The following GRM8 variants were observed in gnomAD, a reference collection of about 807,000 sequenced individuals.
The protein encoded by GRM8 is metabotropic glutamate receptor 8.
A neutral mutation model predicts 87.2 loss-of-function variants in GRM8; 47 were observed. That is an observed-to-expected ratio of 0.54 (90% CI 0.43 to 0.69). GRM8 has a LOEUF of 0.69. GRM8 is among the 30% of genes least tolerant of loss of function. The pLI is 0.00. For synonymous variants in GRM8, 396 were observed against 404.5 expected (o/e 0.98, Z 0.25); for missense variants, 1,019 against 1,139.2 (o/e 0.89, Z 1.52).
rs141350978 is a variant in GRM8 at position 126,802,950 on chromosome 7, A to C, written c.1157-32885T>G. Among the ~76,000 whole-genome samples, 23 of 152,332 alleles carry C rather than the reference A, an allele frequency of 1.5e-4. No individual in the cohort carries two copies. The East Asian group carries it at 4.0e-3, about 27-fold the overall frequency. Reference sequence around the variant, plus strand: ...AATAAGCTAATAGACTGTGGGCCACAAACCTGGTGAACAGGCATAAATGTA... The same window carrying C: ...AATAAGCTAATAGACTGTGGGCCACCAACCTGGTGAACAGGCATAAATGTA... On this transcript the variant is annotated intron_variant, in intron 6 of 10. Transcript: ENST00000339582.
At chr7:126,957,621 C>T (rs945140920) in intron 3 of GRM8, among the ~76,000 whole-genome samples, 6 of 152,200 alleles carry the variant, frequency 3.9e-5, no homozygotes, top group East Asian at 1.9e-4. Flanking sequence ...GCTGGGTATG[C>T]GTGCACTGAA....
intron 8 of GRM8, among the ~76,000 whole-genome samples, chr7:126,579,841 A>C (rs1038877920): frequency 6.6e-6 from 1 of 152,156 alleles, no homozygotes; most frequent in Non-Finnish European, 1.5e-5. Flanking sequence ...TCTGTTAATC[A>C]ATGTTATAGA....
intron 6 of GRM8, among the ~76,000 whole-genome samples, chr7:126,788,409 C>CAAAAAAAAAAAAAAAAAAAAAAAAAAAA (rs67131936): frequency 2.5e-3 from 27 of 10,782 alleles, no homozygotes; most frequent in East Asian, 8.7e-3. Flanking sequence ...GACTCCATCT[C>CAAAAAAAAAAAAAAAAAAAAAAAAAAAA]AAAAAAAAAA....
chr7:126,730,420 A>G (rs1304980416), intron 7 of GRM8, among the ~76,000 whole-genome samples: 1 of 152,204 alleles, frequency 6.6e-6, no homozygotes, highest in Non-Finnish European at 1.5e-5. Context: ...CACAGTGAAT[A>G]CACCAGCTGG....
At chr7:127,022,984 G>A (rs1159945023) in intron 3 of GRM8, among the ~76,000 whole-genome samples, 3 of 152,004 alleles carry the variant, frequency 2.0e-5, no homozygotes, top group Non-Finnish European at 4.4e-5. Flanking sequence ...ATTAGAGTAG[G>A]TGACTTTCTA....
chr7:126,567,601 A>G (rs1265165393), intron 8 of GRM8, among the ~76,000 whole-genome samples: 4 of 152,198 alleles, frequency 2.6e-5, no homozygotes, highest in Non-Finnish European at 4.4e-5. Context: ...GTTTTTAATT[A>G]TAATACAACA....
chr7:126,625,077 T>C (rs1313378055), intron 7 of GRM8, among the ~76,000 whole-genome samples: 1 of 152,234 alleles, frequency 6.6e-6, no homozygotes, highest in Non-Finnish European at 1.5e-5. Flanking sequence ...TCTCAATGAA[T>C]AGTTATTAAA....
chr7:126,471,361 T>C (rs1396205671), intron 9 of GRM8, among the ~76,000 whole-genome samples: 3 of 152,140 alleles, frequency 2.0e-5, no homozygotes, highest in African/African-American at 7.2e-5. Flanking sequence ...TTGAATTAAT[T>C]TGTGTATAAG....
At chr7:127,241,437 CTTT>C (rs11291980) in intron 2 of GRM8, among the ~76,000 whole-genome samples, 3 of 132,944 alleles carry the variant, frequency 2.3e-5, no homozygotes, top group Admixed American at 1.5e-4. Flanking sequence ...TTTTTTTTTT[CTTT>C]TTTTTTTTTT....
chr7:127,087,172 GA>G (rs1823596541), intron 3 of GRM8, among the ~76,000 whole-genome samples: 1 of 152,194 alleles, frequency 6.6e-6, no homozygotes, highest in Admixed American at 6.5e-5. Context: ...CAGCAGAGAA[GA>G]AACCAGCCTC....
intron 6 of GRM8, among the ~76,000 whole-genome samples, chr7:126,780,800 G>A (rs1227127007): frequency 6.6e-6 from 1 of 151,742 alleles, no homozygotes; most frequent in African/African-American, 2.4e-5. Context: ...TGTAAAAGCA[G>A]AGGGAAGCCA....
At chr7:127,014,622 C>A (rs1234486266) in intron 3 of GRM8, among the ~76,000 whole-genome samples, 1 of 151,948 alleles carries the variant, frequency 6.6e-6, no homozygotes, top group African/African-American at 2.4e-5. Context: ...TAGGACAATG[C>A]CTAGCACATA....
rs913380664 is a variant in GRM8 at position 126,716,225 on chromosome 7, GT to G, written c.1357+53639del. Among the ~76,000 whole-genome samples the G allele has an allele frequency of 6.5e-3, 963 of 147,198 alleles. 9 individuals are homozygous for G. Among genetic ancestry groups the G allele is most frequent in the African/African-American group, 0.019 (756 of 40,306 alleles). On this transcript the variant is annotated intron_variant, in intron 7 of 10. Transcript: ENST00000339582. Reference sequence around the variant, plus strand: ...CTCATCTGGCTTCTTTTTCAAAACAGTTTTTTTTTTTCCTTACATATAGTCA... The same window carrying G: ...CTCATCTGGCTTCTTTTTCAAAACAGTTTTTTTTTTCCTTACATATAGTCA...
In GRM8 at chr7:126,528,217, C is replaced by T. The variant is rs186183793; in HGVS notation, c.2430+4735G>A. Among the ~76,000 whole-genome samples the T allele has an allele frequency of 9.9e-3, 1,501 of 152,068 alleles. 22 individuals are homozygous for T. The highest frequency in any genetic ancestry group is 0.034 in the African/African-American group (1,400 of 41,478). On this transcript the variant is annotated intron_variant, in intron 9 of 10. Coordinates refer to ENST00000339582, the MANE Select transcript of GRM8 (RefSeq NM_000845.3). ...AGCAAGACTCCATCTCAAAAAACAA[C>T]GACAACAACAACAACAACAAAATAA...
chr7:127,227,674 A>G (rs1797423151), intron 2 of GRM8, among the ~76,000 whole-genome samples: 1 of 152,228 alleles, frequency 6.6e-6, no homozygotes, highest in Non-Finnish European at 1.5e-5. Flanking sequence ...CCTTCCATGG[A>G]AAACTTCCTG....
At chr7:126,622,058 T>C (rs533835668) in intron 7 of GRM8, among the ~76,000 whole-genome samples, 1 of 152,298 alleles carries the variant, frequency 6.6e-6, no homozygotes, top group South Asian at 2.1e-4. Context: ...TACAATTAAA[T>C]TCAATTGTAC....
chr7:126,655,499 GTCTC>G (rs955375533), intron 7 of GRM8, among the ~76,000 whole-genome samples: 1 of 148,956 alleles, frequency 6.7e-6, no homozygotes, highest in Non-Finnish European at 1.5e-5. Context: ...CTCTGTTGCT[GTCTC>G]TCTCTCTCAG....
intron 3 of GRM8, among the ~76,000 whole-genome samples, chr7:127,083,095 C>G (rs139234708): frequency 6.6e-6 from 1 of 152,204 alleles, no homozygotes; most frequent in African/African-American, 2.4e-5. Flanking sequence ...CCTTGTGCAA[C>G]TTGGCCCAGA....
At chr7:126,906,630 G>A (rs1484718155) in intron 3 of GRM8, among the ~76,000 whole-genome samples, 3 of 152,218 alleles carry the variant, frequency 2.0e-5, no homozygotes, top group African/African-American at 7.2e-5. Context: ...TTTCAAAGAA[G>A]AAACGTCTGG....
Sources: allele counts gnomAD v4.1 joint callset (sites outside exome capture counted in the v4.1 genomes callset), GRCh38; gene constraint gnomAD v4.1.1; transcripts MANE v1.5; gene names NCBI Gene and HGNC (gene_info 2026-07-23, HGNC 2026-07-21).